The following USP37 variants were observed in gnomAD, a reference collection of about 807,000 sequenced individuals.
USP37 encodes the protein ubiquitin specific peptidase 37, also known as ubiquitin carboxyl-terminal hydrolase 37.
A neutral mutation model predicts 124.0 loss-of-function variants in USP37; 27 were observed. The observed-to-expected ratio is 0.22, with a 90% confidence interval of 0.16 to 0.30. The LOEUF is 0.30. Ranked by LOEUF, USP37 falls within the 10% of genes least tolerant of loss-of-function variation. USP37 has a pLI of 1.00. For missense variants in USP37, 889 were observed against 1,140.4 expected (o/e 0.78, Z 3.17); for synonymous variants, 365 against 388.0 (o/e 0.94, Z 0.70).
At chr2:218,506,217 G>A (rs1027862181) in intron 11 of USP37, among the ~76,000 whole-genome samples, 1 of 151,050 alleles carries the variant, frequency 6.6e-6, no homozygotes, top group Non-Finnish European at 1.5e-5. Context: ...TTCTTCTTCC[G>A]GGACACTAAT....
chr2:218,553,226 T>C (rs941797344), intron 5 of USP37, among the ~76,000 whole-genome samples: 1 of 152,246 alleles, frequency 6.6e-6, no homozygotes, highest in South Asian at 2.1e-4. Flanking sequence ...AGTTGTTGCA[T>C]ATGACCTTTA....
chr2:218,565,959 G>A (rs1460520543), intron 1 of USP37, among the ~76,000 whole-genome samples: 1 of 152,190 alleles, frequency 6.6e-6, no homozygotes, highest in Admixed American at 6.5e-5. Context: ...TGAGACAAGA[G>A]AATCGCTTGA....
At chr2:218,519,247 CAG>C (rs1467167362) in intron 10 of USP37, among the ~76,000 whole-genome samples, 1 of 152,160 alleles carries the variant, frequency 6.6e-6, no homozygotes, top group Non-Finnish European at 1.5e-5. Context: ...TGTCTTCCCC[CAG>C]AGAGAATTTT....
At chr2:218,496,723 A>G (rs1395519653) in intron 13 of USP37, among the ~76,000 whole-genome samples, 2 of 152,164 alleles carry the variant, frequency 1.3e-5, no homozygotes, top group Non-Finnish European at 2.9e-5. Flanking sequence ...ATCTCGGCTC[A>G]CTGCAACCTC....
chr2:218,506,620 T>TC (rs1363618841), intron 11 of USP37, among the ~76,000 whole-genome samples: 4 of 149,366 alleles, frequency 2.7e-5, no homozygotes, highest in South Asian at 2.1e-4. Context: ...TTTTTTTTTT[T>TC]CATCTTTTTT....
chr2:218,567,141 A>T (rs922249546), intron 1 of USP37, among the ~76,000 whole-genome samples: 30 of 152,240 alleles, frequency 2.0e-4, no homozygotes, highest in Non-Finnish European at 3.7e-4. Flanking sequence ...AAGAGGACCT[A>T]GGACTGAACC....
intron 17 of USP37, among the ~76,000 whole-genome samples, chr2:218,480,409 A>T (rs931363830): frequency 6.6e-6 from 1 of 151,126 alleles, no homozygotes; most frequent in Non-Finnish European, 1.5e-5. Context: ...AAAAAAAAAA[A>T]AAAAAAAAAA....
chr2:218,556,455 G>A (rs1213059331), intron 4 of USP37, among the ~76,000 whole-genome samples: 3 of 125,086 alleles, frequency 2.4e-5, no homozygotes, highest in Admixed American at 8.0e-5. Context: ...CAGGATCTTT[G>A]TAATGTTTTT....
chr2:218,503,620 CAGA>C (rs1689513385), intron 11 of USP37, among the ~76,000 whole-genome samples: 1 of 152,140 alleles, frequency 6.6e-6, no homozygotes, highest in South Asian at 2.1e-4. Context: ...GAGGCTGAGG[CAGA>C]AGAATTGCTT....
In USP37 at chr2:218,552,898, T is replaced by C. The variant is rs1364534152; in HGVS notation, c.328+655A>G. ...ACACGACTGCACTCCAGCCTAGGTG[T>C]TAGAGCAAGACTCCATTTCAAAACA... On this transcript the variant is annotated intron_variant, in intron 5 of 25. Coordinates refer to ENST00000258399, the MANE Select transcript of USP37 (RefSeq NM_020935.3). Among the ~76,000 whole-genome samples the C allele has an allele frequency of 5.9e-5, 9 of 152,038 alleles. No individual in the cohort carries two copies. The South Asian group carries it at 1.7e-3, about 28-fold the overall frequency.
chr2:218,566,185 G>A (rs1345970529), intron 1 of USP37, among the ~76,000 whole-genome samples: 5 of 152,196 alleles, frequency 3.3e-5, no homozygotes, highest in Non-Finnish European at 1.5e-5. Flanking sequence ...TATCACTTAA[G>A]TTGAAAACTG....
At chr2:218,477,885 T>C (rs1691060783) in intron 18 of USP37, among the ~76,000 whole-genome samples, 1 of 152,198 alleles carries the variant, frequency 6.6e-6, no homozygotes, top group South Asian at 2.1e-4. Context: ...AAAATTCACT[T>C]ATGTGGAATC....
intron 5 of USP37, among the ~76,000 whole-genome samples, chr2:218,552,388 G>C (rs1692716180): frequency 6.6e-6 from 1 of 152,106 alleles, no homozygotes; most frequent in Non-Finnish European, 1.5e-5. Flanking sequence ...TGTGATAGTA[G>C]AGAACTCATT....
intron 5 of USP37, among the ~76,000 whole-genome samples, chr2:218,552,953 ATAAT>A (rs796283272): frequency 5.3e-5 from 8 of 151,958 alleles, no homozygotes; most frequent in African/African-American, 1.9e-4. Context: ...AAATAAATAA[ATAAT>A]AAAAAATCCT....
intron 11 of USP37, among the ~76,000 whole-genome samples, chr2:218,508,044 T>G (rs781230717): frequency 2.0e-5 from 3 of 152,190 alleles, no homozygotes; most frequent in Non-Finnish European, 4.4e-5. Flanking sequence ...CCCACAGGCT[T>G]CACCAGTAGA....
chr2:218,456,462 A>G (rs967187036), intron 24 of USP37, among the ~76,000 whole-genome samples: 32 of 145,158 alleles, frequency 2.2e-4, no homozygotes, highest in African/African-American at 6.7e-4. Flanking sequence ...CTGTCTCTTG[A>G]AAAAAAAAAA....
chr2:218,551,242 CT>C (rs1355029762), intron 5 of USP37, among the ~76,000 whole-genome samples: 3 of 152,090 alleles, frequency 2.0e-5, no homozygotes, highest in Non-Finnish European at 4.4e-5. Context: ...CATTATTTTG[CT>C]CTAGTCTCTG....
Position 218,455,030 on chromosome 2 carries a change from C to G in USP37, c.2853-13G>C. The G allele has an allele frequency of 6.2e-7, 1 of 1,609,860 alleles. No individual in the cohort carries two copies. The highest frequency in any genetic ancestry group is 8.5e-7 in the Non-Finnish European group (1 of 1,179,208). On this transcript the variant is annotated splice_polypyrimidine_tract_variant and intron_variant, in intron 25 of 25. Coordinates refer to ENST00000258399, the MANE Select transcript of USP37 (RefSeq NM_020935.3). ...ATCAAAGATCTCCCTTAAGATAAAACAAGCAAAAAATAAAACTGGAAATTT... is the reference window on the plus strand; with the variant it reads ...ATCAAAGATCTCCCTTAAGATAAAAGAAGCAAAAAATAAAACTGGAAATTT...
intron 8 of USP37, among the ~76,000 whole-genome samples, chr2:218,535,758 G>A (rs982163084): frequency 6.6e-6 from 1 of 151,990 alleles, no homozygotes; most frequent in African/African-American, 2.4e-5. Context: ...AGGAGGCTGA[G>A]GTGGGAGAAT....
Sources: gnomAD v4.1 joint callset for allele counts (sites outside exome capture counted in the v4.1 genomes callset) on GRCh38, gnomAD v4.1.1 for gene constraint, MANE v1.5 for transcripts, NCBI Gene and HGNC (gene_info 2026-07-23, HGNC 2026-07-21) for gene names.